The following WNT5A variants were observed in gnomAD, a reference collection of about 807,000 sequenced individuals.
The protein encoded by WNT5A is Wnt family member 5A, also known as protein Wnt-5a.
Under a neutral mutation model 42.1 loss-of-function variants are expected in WNT5A, and 9 were observed. The ratio of observed to expected loss-of-function variants is 0.21; its 90% CI spans 0.13 to 0.37. The LOEUF (loss-of-function observed/expected upper bound fraction) is 0.37, where lower values mean the gene tolerates loss of function less well. WNT5A is among the 10% of genes least tolerant of loss of function. The pLI is 1.00. For synonymous variants in WNT5A, 210 were observed against 210.0 expected, an observed-to-expected ratio of 1.00 and a Z score of 0.00; for missense variants, 426 against 534.0, an observed-to-expected ratio of 0.80 and a Z score of 1.99.
At chr3:55,489,668 G>A (rs1227395913), upstream of WNT5A, among the ~76,000 whole-genome samples, 1 of 152,184 alleles carries the variant, frequency 6.6e-6, no homozygotes, top group Non-Finnish European at 1.5e-5. Flanking sequence ...CCCCCAGGGC[G>A]TGTGCGGCCT....
chr3:55,470,759 T>C (rs2051236007), intron 4 of WNT5A, among the ~76,000 whole-genome samples: 1 of 152,230 alleles, frequency 6.6e-6, no homozygotes, highest in Non-Finnish European at 1.5e-5. Context: ...CTCATTATTA[T>C]ATCATTATCA....
chr3:55,478,310 T>C (rs1353948810), intron 3 of WNT5A, among the ~76,000 whole-genome samples: 1 of 152,190 alleles, frequency 6.6e-6, no homozygotes, highest in Non-Finnish European at 1.5e-5. Context: ...CGGGGTTTTT[T>C]TTTTAATAAA....
rs1274800480 is a variant in WNT5A at position 55,466,621 on chromosome 3, C to T, written c.*3471G>A. On this transcript the variant is annotated 3_prime_UTR_variant, in exon 5 of 5. Coordinates refer to ENST00000264634, the MANE Select transcript of WNT5A (RefSeq NM_003392.7). The stretch of plus-strand genomic sequence containing the variant: ...TTGAGCCCATAATGACTATTTTGAA[C>T]ATGGCTCTTTTGCTGCTGCCTATAT... 3 of 152,584 alleles carry T rather than the reference C, an allele frequency of 2.0e-5. No individual in the cohort carries two copies. In the East Asian group the frequency reaches 5.8e-4, roughly 29 times the overall value. 9.5% of individuals were successfully genotyped at this position (152,584 alleles called of 1,614,324 possible). A position where few individuals can be genotyped will look rare whatever the true frequency, so the allele number is the denominator to read the frequency against.
At chr3:55,481,897 C>T (rs1227507767) in intron 1 of WNT5A, among the ~76,000 whole-genome samples, 1 of 152,198 alleles carries the variant, frequency 6.6e-6, no homozygotes, top group Non-Finnish European at 1.5e-5. Context: ...TTTTCACTCT[C>T]CCTCCCACCC....
upstream of WNT5A, chr3:55,489,966 G>A (rs142344283): frequency 0.018 from 2,689 of 152,408 alleles, 29 homozygotes; most frequent in Non-Finnish European, 0.025. Context: ...GGCTGCGGGA[G>A]AGCATGTGCC....
chr3:55,470,338 C>T lies in WNT5A; in HGVS notation c.897G>A (p.Leu299=). The change falls in exon 5 of 5, where the codon CTG becomes CTA. Residue 299 remains leucine, a synonymous_variant. Transcript: ENST00000264634. ...AGTCAGGGCTGGGGTCGATGTAGAC[C>T]AGGTCTTGTGTGGTGGGCGAGTTGA... The part of the protein sequence containing the change: ...SRFNSPTTQD[L]VYIDPSPDYC... 1 of 1,614,060 alleles carries T rather than the reference C, an allele frequency of 6.2e-7. No individual in the cohort carries two copies. Among genetic ancestry groups the T allele is most frequent in the Non-Finnish European group, 8.5e-7 (1 of 1,179,902 alleles).
At chr3:55,503,179 G>C in the WNT5A span, among the ~76,000 whole-genome samples, 15 of 152,220 alleles carry the variant, frequency 9.9e-5, no homozygotes, top group Non-Finnish European at 8.8e-5. Flanking sequence ...CCCTGACGTG[G>C]CAAATGGGAT....
intron 3 of WNT5A, 36 bp from the exon 4 acceptor site, chr3:55,474,665 C>A: frequency 7.5e-7 from 1 of 1,332,632 alleles, no homozygotes; most frequent in South Asian, 1.9e-5. Flanking sequence ...GGCCGCCTGC[C>A]TCACGCGCTG....
intron 1 of WNT5A, 45 bp downstream of exon 1, chr3:55,486,935 T>TG: frequency 3.8e-6 from 5 of 1,330,704 alleles, no homozygotes; most frequent in Non-Finnish European, 5.2e-6. Context: ...CAACAGGGGG[T>TG]GGGGGGAAGT....
At chr3:55,470,681 T>G (rs2051233789) in intron 4 of WNT5A, 131 bp from the exon 5 acceptor site, 3 of 842,630 alleles carry the variant, frequency 3.6e-6, no homozygotes, top group South Asian at 5.2e-5. Context: ...GTATTATATT[T>G]CCTTCATTAC....
chr3:55,486,939 G>A, intron 1 of WNT5A, 41 bp downstream of exon 1: 1 of 1,540,678 alleles, frequency 6.5e-7, no homozygotes, highest in Non-Finnish European at 9.0e-7. Flanking sequence ...AGGGGGTGGG[G>A]GGAAGTAAAG....
chr3:55,493,747 C>T (rs952318065), upstream of WNT5A: 1 of 152,226 alleles, frequency 6.6e-6, no homozygotes, highest in Non-Finnish European at 1.5e-5. Context: ...CCACACTTTA[C>T]CTATAAATAA....
At chr3:55,489,599 G>A (rs188463474), upstream of WNT5A, among the ~76,000 whole-genome samples, 2 of 152,262 alleles carry the variant, frequency 1.3e-5, no homozygotes, top group African/African-American at 2.4e-5. Flanking sequence ...TTCCCACCAA[G>A]TGCCAGAGAC....
chr3:55,472,649 G>A (rs187836017), intron 4 of WNT5A, among the ~76,000 whole-genome samples: 1 of 152,170 alleles, frequency 6.6e-6, no homozygotes, highest in Non-Finnish European at 1.5e-5. Flanking sequence ...CACTCTGTCT[G>A]TGGCAATTAT....
At chr3:55,473,740 G>A (rs1054450408) in intron 4 of WNT5A, among the ~76,000 whole-genome samples, 3 of 152,166 alleles carry the variant, frequency 2.0e-5, no homozygotes, top group Admixed American at 1.3e-4. Flanking sequence ...ATAAAGAGAG[G>A]CAGGGAGAAA....
At chr3:55,491,315 G>T (rs115796761), upstream of WNT5A, among the ~76,000 whole-genome samples, 1,901 of 152,216 alleles carry the variant, frequency 0.012, 17 homozygotes, top group South Asian at 0.017. Flanking sequence ...ATCTGTGAGG[G>T]TTCATGTTCG....
At chr3:55,495,724 G>T in the WNT5A span, among the ~76,000 whole-genome samples, 1 of 152,128 alleles carries the variant, frequency 6.6e-6, no homozygotes, top group Non-Finnish European at 1.5e-5. Context: ...TGGAATTACT[G>T]GATCATACGG....
chr3:55,476,983 A>T lies in WNT5A; in HGVS notation c.391+2331T>A, dbSNP rs569598015. Among the ~76,000 whole-genome samples the T allele has an allele frequency of 4.6e-5, 7 of 152,336 alleles. No homozygotes were observed. In the South Asian group the frequency reaches 1.2e-3, roughly 27 times the overall value. On this transcript the variant is annotated intron_variant, in intron 3 of 4. Coordinates refer to ENST00000264634, the MANE Select transcript of WNT5A (RefSeq NM_003392.7). ...TGGGCCCTTCATGAAGTAATTGTGC[A>T]TGGTGCCTCCAAGGCAACTGGCATC...
At chr3:55,480,991 G>A in intron 1 of WNT5A, 73 bp from the exon 2 acceptor site, 1 of 1,328,146 alleles carries the variant, frequency 7.5e-7, no homozygotes, top group Non-Finnish European at 9.7e-7. Context: ...TTAAACAACG[G>A]AAGCATCCGG....
Sources: gnomAD v4.1 joint callset for allele counts (sites outside exome capture counted in the v4.1 genomes callset) on GRCh38, gnomAD v4.1.1 for gene constraint, MANE v1.5 for transcripts, NCBI Gene and HGNC (gene_info 2026-07-23, HGNC 2026-07-21) for gene names.